The following IGSF11 variants were observed in gnomAD, a reference collection of about 807,000 sequenced individuals.
IGSF11 encodes the protein CXADR like 1.
Under a neutral mutation model 41.0 loss-of-function variants are expected in IGSF11, and 22 were observed. The ratio of observed to expected loss-of-function variants is 0.54; its 90% CI spans 0.38 to 0.77. The LOEUF (loss-of-function observed/expected upper bound fraction) is 0.77. IGSF11 is among the 30% of genes least tolerant of loss of function. The pLI is 0.00. For missense variants in IGSF11, 444 were observed against 530.8 expected, an observed-to-expected ratio of 0.84 and a Z score of 1.61; for synonymous variants, 219 against 201.3, an observed-to-expected ratio of 1.09 and a Z score of -0.74.
At chr3:119,067,033 C>T (rs1015985128) in intron 1 of IGSF11, among the ~76,000 whole-genome samples, 2 of 152,022 alleles carry the variant, frequency 1.3e-5, no homozygotes, top group African/African-American at 2.4e-5. Flanking sequence ...CACATGTGGC[C>T]CGAGCATAAC....
At chr3:118,928,385 C>A in intron 3 of IGSF11, 124 bp downstream of exon 3, 2 of 682,406 alleles carry the variant, frequency 2.9e-6, no homozygotes, top group Non-Finnish European at 5.1e-6. Context: ...AGAGATGGAA[C>A]TGAGAGAAGA....
chr3:119,105,657 A>T (rs2077010934), upstream of IGSF11, among the ~76,000 whole-genome samples: 1 of 152,206 alleles, frequency 6.6e-6, no homozygotes, highest in African/African-American at 2.4e-5. Flanking sequence ...GAGGAGTAAA[A>T]AAGTTACAAG....
At chr3:118,985,572 A>G (rs1249801568) in intron 1 of IGSF11, among the ~76,000 whole-genome samples, 1 of 152,174 alleles carries the variant, frequency 6.6e-6, no homozygotes, top group East Asian at 1.9e-4. Flanking sequence ...AATTTGTCTG[A>G]AACTGAATTG....
chr3:119,087,580 G>A (rs1020393887), intron 1 of IGSF11, among the ~76,000 whole-genome samples: 6 of 151,910 alleles, frequency 3.9e-5, no homozygotes, highest in Admixed American at 2.0e-4. Context: ...CTATGAGGAC[G>A]CAAATGTGTA....
At chr3:119,051,931 CAAT>C (rs1941643132) in intron 1 of IGSF11, among the ~76,000 whole-genome samples, 1 of 151,918 alleles carries the variant, frequency 6.6e-6, no homozygotes, top group Non-Finnish European at 1.5e-5. Context: ...TTGAACTGAA[CAAT>C]AATAGTGACA....
chr3:118,956,250 A>G (rs72968613), intron 1 of IGSF11, among the ~76,000 whole-genome samples: 4,653 of 152,260 alleles, frequency 0.031, 255 homozygotes, highest in African/African-American at 0.11. Flanking sequence ...CTTTCTCCAT[A>G]TCAGCCATAA....
At chr3:119,136,742 A>G (rs1338817028) in intron 1 of IGSF11, among the ~76,000 whole-genome samples, 1 of 152,186 alleles carries the variant, frequency 6.6e-6, no homozygotes, top group Admixed American at 6.5e-5. Context: ...CGCTTTCAGC[A>G]TTGGACAGAT....
chr3:119,007,309 G>C (rs560298414), intron 1 of IGSF11, among the ~76,000 whole-genome samples: 2 of 139,756 alleles, frequency 1.4e-5, no homozygotes, highest in Non-Finnish European at 3.0e-5. Flanking sequence ...GCAATGCCTC[G>C]CCCTGCTTCG....
intron 1 of IGSF11, among the ~76,000 whole-genome samples, chr3:119,061,394 C>T (rs766916788): frequency 6.6e-6 from 1 of 152,112 alleles, no homozygotes; most frequent in Non-Finnish European, 1.5e-5. Flanking sequence ...TCTCTGACAC[C>T]AGCAGGAATC....
intron 4 of IGSF11, among the ~76,000 whole-genome samples, chr3:118,913,739 G>C (rs547081102): frequency 6.6e-6 from 1 of 152,154 alleles, no homozygotes; most frequent in Non-Finnish European, 1.5e-5. Context: ...TGGCAAACTT[G>C]TGGGTAAATC....
chr3:118,937,796 A>T (rs1191228564), intron 1 of IGSF11, among the ~76,000 whole-genome samples: 2 of 152,288 alleles, frequency 1.3e-5, no homozygotes, highest in Non-Finnish European at 2.9e-5. Context: ...TCTATGTAAC[A>T]TGTAATAGTC....
At chr3:119,080,444 TAA>T (rs1352269351) in intron 1 of IGSF11, among the ~76,000 whole-genome samples, 1 of 152,198 alleles carries the variant, frequency 6.6e-6, no homozygotes, top group East Asian at 1.9e-4. Context: ...TGCAAAAAAG[TAA>T]AGACTATCCA....
chr3:119,034,618 G>C lies in IGSF11; in HGVS notation c.-36C>G, dbSNP rs111941506. 1 of 1,559,946 alleles carries C rather than the reference G, an allele frequency of 6.4e-7. No homozygotes were observed. The highest frequency in any genetic ancestry group is 8.7e-7 in the Non-Finnish European group (1 of 1,154,230). Reference sequence around the variant, plus strand: ...CAGGGAGCGCGCCTGCCTCCTACCCGGCTCCCGGTCGCAACAGGAGAGGAG... The same window carrying C: ...CAGGGAGCGCGCCTGCCTCCTACCCCGCTCCCGGTCGCAACAGGAGAGGAG... On this transcript the variant is annotated 5_prime_UTR_variant, in exon 1 of 7. Transcript: ENST00000393775.
chr3:119,133,789 T>C (rs1303443929), intron 1 of IGSF11, among the ~76,000 whole-genome samples: 1 of 152,214 alleles, frequency 6.6e-6, no homozygotes, highest in Non-Finnish European at 1.5e-5. Context: ...TTTAGACCAA[T>C]ATCCCTAATT....
chr3:118,912,075 GA>G (rs1940392441), intron 4 of IGSF11, among the ~76,000 whole-genome samples: 1 of 152,048 alleles, frequency 6.6e-6, no homozygotes, highest in Non-Finnish European at 1.5e-5. Flanking sequence ...CATTAATAAT[GA>G]AAATAAATAC....
intron 1 of IGSF11, among the ~76,000 whole-genome samples, chr3:119,027,279 T>A (rs1939916303): frequency 6.6e-6 from 1 of 152,212 alleles, no homozygotes; most frequent in South Asian, 2.1e-4. Context: ...AGCCAGTCTT[T>A]AAGAAACTAC....
Position 119,077,189 on chromosome 3 carries a change from G to A in IGSF11, c.49+27955C>T, listed in dbSNP as rs574632214. Among the ~76,000 whole-genome samples, 15 of 151,872 alleles carry A rather than the reference G, an allele frequency of 9.9e-5. No individual in the cohort carries two copies. In the South Asian group the frequency reaches 2.7e-3, roughly 27 times the overall value. ...AAGAACAAAAAACCAAACACTGCAT[G>A]TTCTCACTCATAGGTGGGAATTGAA... On this transcript the variant is annotated intron_variant, in intron 1 of 6. Transcript: ENST00000354673.
intron 1 of IGSF11, among the ~76,000 whole-genome samples, chr3:118,951,785 C>A (rs936873496): frequency 3.5e-4 from 54 of 152,262 alleles, no homozygotes; most frequent in African/African-American, 1.1e-3. Context: ...TAAATCATCT[C>A]TAGATTACAT....
chr3:119,003,776 C>T (rs900371281), intron 1 of IGSF11, among the ~76,000 whole-genome samples: 17 of 151,620 alleles, frequency 1.1e-4, no homozygotes, highest in East Asian at 5.8e-4. Flanking sequence ...TATTGATTTG[C>T]GTATATTGAA....
Sources: gnomAD v4.1 joint callset for allele counts (sites outside exome capture counted in the v4.1 genomes callset) on GRCh38, gnomAD v4.1.1 for gene constraint, MANE v1.5 for transcripts, NCBI Gene and HGNC (gene_info 2026-07-23, HGNC 2026-07-21) for gene names.